PDK1: variants seen among roughly 807,000 people sequenced by gnomAD.
PDK1 encodes the protein pyruvate dehydrogenase kinase 1, also known as [Pyruvate dehydrogenase (acetyl-transferring)] kinase isozyme 1, mitochondrial.
Under a neutral mutation model 54.2 loss-of-function variants are expected in PDK1, and 39 were observed. The observed-to-expected ratio is 0.72, with a 90% CI of 0.56 to 0.94. The LOEUF is 0.94. PDK1 is among the 40% of genes least tolerant of loss of function. The pLI is 0.00. For synonymous variants in PDK1, 221 were observed against 207.1 expected (o/e 1.07, Z -0.58); for missense variants, 552 against 566.0 (o/e 0.98, Z 0.25).
At position 172,568,348 on chromosome 2, in the gene PDK1, A is replaced by AAG. The variant is rs1553479415; in HGVS notation, c.770-392_770-391insGA. ...GTCTCAAAAAAAAAAAAAAAAAAAA[A>AAG]AAGAAGAAGAAGAATGTATGCATGC... On this transcript the variant is annotated intron_variant, in intron 6 of 10. Coordinates refer to ENST00000282077, the MANE Select transcript of PDK1 (RefSeq NM_002610.5). Among the ~76,000 whole-genome samples the AAG allele has an allele frequency of 4.4e-4, 67 of 151,030 alleles. 1 individual carries two copies. Among genetic ancestry groups the AAG allele is most frequent in the African/African-American group, 1.5e-3 (61 of 40,944 alleles).
intron 8 of PDK1, among the ~76,000 whole-genome samples, chr2:172,581,616 A>G (rs1689913951): frequency 1.3e-5 from 2 of 151,564 alleles, no homozygotes; most frequent in South Asian, 4.2e-4. Context: ...CCAAGGTCAC[A>G]TGAAGGCATC....
chr2:172,628,793 C>T, the PDK1 span, among the ~76,000 whole-genome samples: 1 of 152,104 alleles, frequency 6.6e-6, no homozygotes, highest in African/African-American at 2.4e-5. Context: ...CATTCCCACC[C>T]ACGATAAACT....
the PDK1 span, among the ~76,000 whole-genome samples, chr2:172,627,763 G>A: frequency 6.6e-6 from 1 of 152,292 alleles, no homozygotes; most frequent in East Asian, 1.9e-4. Context: ...AGAATCAAGG[G>A]ATATTTGGTT....
chr2:172,676,215 C>A, the PDK1 span, among the ~76,000 whole-genome samples: 2 of 152,150 alleles, frequency 1.3e-5, no homozygotes, highest in African/African-American at 4.8e-5. Flanking sequence ...AACATCCATT[C>A]TGCAGTCCAT....
chr2:172,708,561 T>C, the PDK1 span, among the ~76,000 whole-genome samples: 1 of 152,184 alleles, frequency 6.6e-6, no homozygotes, highest in Non-Finnish European at 1.5e-5. Context: ...ACATATATCA[T>C]TGGGAAATAT....
chr2:172,570,729 G>A lies in PDK1; in HGVS notation c.850G>A (p.Ala284Thr). 1 of 1,580,188 alleles carries A rather than the reference G, an allele frequency of 6.3e-7. No homozygotes were observed. ...YHMVFELFKN[A>T]MRATMEHHAN... ...ATACAACCCTAATGTATTTCAGAATGCAATGAGAGCCACTATGGAACACCA... is the reference window on the plus strand; with the variant it reads ...ATACAACCCTAATGTATTTCAGAATACAATGAGAGCCACTATGGAACACCA... The change falls in exon 8 of 11, where the codon GCA becomes ACA. Residue 284 changes from alanine (A) to threonine (T), a missense_variant. Coordinates refer to ENST00000282077, the MANE Select transcript of PDK1 (RefSeq NM_002610.5).
Position 172,599,235 on chromosome 2 carries a change from C to A in PDK1, c.*3266C>A, listed in dbSNP as rs1691031428. 5 of 151,188 alleles carry A rather than the reference C, an allele frequency of 3.3e-5. No homozygotes were observed. In the South Asian group the frequency reaches 6.3e-4, roughly 19 times the overall value. The allele number at this position is 151,188 out of a possible 1,614,324, so 9.4% of individuals were successfully genotyped here. On this transcript the variant is annotated 3_prime_UTR_variant, in exon 11 of 11. Coordinates refer to ENST00000282077, the MANE Select transcript of PDK1 (RefSeq NM_002610.5). ...AATTGAATGGCAGAACTACTATAGT[C>A]AAAAATAAATTCCTATCCTATTTTT...
chr2:172,662,387 A>G, the PDK1 span, among the ~76,000 whole-genome samples: 1 of 152,278 alleles, frequency 6.6e-6, no homozygotes, highest in Non-Finnish European at 1.5e-5. Context: ...AAATAAAGTA[A>G]AAAGCTCCTG....
the PDK1 span, among the ~76,000 whole-genome samples, chr2:172,649,918 G>T: frequency 5.3e-5 from 8 of 152,250 alleles, no homozygotes; most frequent in South Asian, 6.2e-4. Flanking sequence ...CACTCTTCAG[G>T]ATATTATCCA....
At chr2:172,567,990 C>G (rs2149220613) in intron 6 of PDK1, among the ~76,000 whole-genome samples, 1 of 152,246 alleles carries the variant, frequency 6.6e-6, no homozygotes, top group East Asian at 1.9e-4. Flanking sequence ...CATCGAAATG[C>G]CTGAAATAAA....
At chr2:172,593,409 T>C (rs1013685621) in intron 10 of PDK1, among the ~76,000 whole-genome samples, 3 of 152,144 alleles carry the variant, frequency 2.0e-5, no homozygotes, top group African/African-American at 7.2e-5. Flanking sequence ...GGTCTGCAGA[T>C]TGGAGTGTCA....
intron 8 of PDK1, among the ~76,000 whole-genome samples, chr2:172,576,013 C>T (rs888944203): frequency 6.6e-6 from 1 of 151,946 alleles, no homozygotes; most frequent in Non-Finnish European, 1.5e-5. Context: ...CTACAAGCTC[C>T]GCCTCCCGAG....
chr2:172,583,377 A>G (rs903399144), intron 8 of PDK1, among the ~76,000 whole-genome samples: 1 of 139,860 alleles, frequency 7.2e-6, no homozygotes, highest in Non-Finnish European at 1.5e-5. Context: ...GCTCACTGCA[A>G]CCTCCTCCTG....
chr2:172,667,305 C>T, the PDK1 span, among the ~76,000 whole-genome samples: 1 of 152,160 alleles, frequency 6.6e-6, no homozygotes, highest in Admixed American at 6.5e-5. Context: ...ACAGGCAAGA[C>T]AGAGTGAGCA....
chr2:172,680,304 C>G, the PDK1 span, among the ~76,000 whole-genome samples: 3 of 152,280 alleles, frequency 2.0e-5, no homozygotes, highest in South Asian at 2.1e-4. Context: ...GATGCTCAAT[C>G]AATATTTACT....
Position 172,564,968 on chromosome 2 carries a change from T to C in PDK1, c.596-10T>C, listed in dbSNP as rs973782820. ...AGCTTATTTTGTTGGTTTTTTTCCT[T>C]TTTGGATAGCTTTATTGTTTGGTGG... On this transcript the variant is annotated splice_polypyrimidine_tract_variant and intron_variant, in intron 4 of 10. Coordinates refer to ENST00000282077, the MANE Select transcript of PDK1 (RefSeq NM_002610.5). 1 of 1,599,276 alleles carries C rather than the reference T, an allele frequency of 6.3e-7. No individual in the cohort carries two copies. The highest frequency in any genetic ancestry group is 8.6e-7 in the Non-Finnish European group (1 of 1,167,426).
At chr2:172,610,717 T>C (rs1558969149), downstream of PDK1, among the ~76,000 whole-genome samples, 1 of 152,066 alleles carries the variant, frequency 6.6e-6, no homozygotes. Flanking sequence ...TTCAAGCGAT[T>C]CTCCTGCCTC....
the PDK1 span, among the ~76,000 whole-genome samples, chr2:172,629,402 GAGA>G: frequency 2.0e-5 from 3 of 152,192 alleles, no homozygotes; most frequent in African/African-American, 4.8e-5. Context: ...AAAGGAAGAA[GAGA>G]AGAAGTAGCT....
chr2:172,664,311 C>CAAAAAAAAAAAAAA, the PDK1 span, among the ~76,000 whole-genome samples: 58 of 44,176 alleles, frequency 1.3e-3, 12 homozygotes, highest in African/African-American at 5.2e-3. Flanking sequence ...AACTCTGCCT[C>CAAAAAAAAAAAAAA]AAAAAAAAAA....
Sources: allele counts gnomAD v4.1 joint callset (sites outside exome capture counted in the v4.1 genomes callset), GRCh38; gene constraint gnomAD v4.1.1; transcripts MANE v1.5; gene names NCBI Gene and HGNC (gene_info 2026-07-23, HGNC 2026-07-21).